NAALADL2: variants seen among roughly 807,000 people sequenced by gnomAD.
NAALADL2 encodes N-acetylated alpha-linked acidic dipeptidase like 2.
In NAALADL2, 76 loss-of-function variants were observed where a neutral mutation model predicts 87.2. The ratio of observed to expected loss-of-function variants is 0.87; its 90% CI spans 0.72 to 1.05. The LOEUF (loss-of-function observed/expected upper bound fraction) is 1.05. Among genes scored for constraint, NAALADL2 ranks in the 50% least tolerant of loss-of-function variants. NAALADL2 has a pLI of 0.00. For synonymous variants in NAALADL2, 354 were observed against 331.0 expected (o/e 1.07, Z -0.75); for missense variants, 1,089 against 945.8 (o/e 1.15, Z -1.99).
chr3:174,936,489 A>G (rs371250822), intron 1 of NAALADL2, among the ~76,000 whole-genome samples: 137 of 152,198 alleles, frequency 9.0e-4, no homozygotes, highest in African/African-American at 3.1e-3. Context: ...TCAAGCAGCC[A>G]TAATAAAAGC....
At chr3:175,746,339 G>T (rs1204118404) in intron 12 of NAALADL2, among the ~76,000 whole-genome samples, 6 of 139,838 alleles carry the variant, frequency 4.3e-5, no homozygotes, top group South Asian at 2.3e-4. Flanking sequence ...TTAATCAATT[G>T]CAAATGATTG....
intron 2 of NAALADL2, among the ~76,000 whole-genome samples, chr3:175,124,048 T>A (rs991898216): frequency 6.6e-6 from 1 of 151,962 alleles, no homozygotes; most frequent in African/African-American, 2.4e-5. Flanking sequence ...CTCTGTGTTG[T>A]TTTTGCCCAT....
intron 6 of NAALADL2, among the ~76,000 whole-genome samples, chr3:175,459,085 C>T (rs537531987): frequency 6.6e-6 from 1 of 152,038 alleles, no homozygotes; most frequent in Non-Finnish European, 1.5e-5. Flanking sequence ...GCCAAAATAA[C>T]TAGATCCTGA....
intron 10 of NAALADL2, among the ~76,000 whole-genome samples, chr3:175,587,932 G>A (rs1331007909): frequency 6.6e-6 from 1 of 152,012 alleles, no homozygotes; most frequent in East Asian, 1.9e-4. Flanking sequence ...GATACACCTG[G>A]GGAAGAGGAC....
chr3:175,057,413 AC>A (rs1712443660), intron 1 of NAALADL2, among the ~76,000 whole-genome samples: 2 of 152,014 alleles, frequency 1.3e-5, no homozygotes, highest in East Asian at 1.9e-4. Context: ...TTCTACCCTC[AC>A]CCCGGTTGCC....
chr3:175,678,712 C>G (rs967261246), intron 11 of NAALADL2, among the ~76,000 whole-genome samples: 1 of 152,062 alleles, frequency 6.6e-6, no homozygotes, highest in African/African-American at 2.4e-5. Context: ...CATCACACAC[C>G]AGGGCCTGTC....
At chr3:175,395,025 C>T (rs1299993672) in intron 5 of NAALADL2, among the ~76,000 whole-genome samples, 7 of 152,040 alleles carry the variant, frequency 4.6e-5, no homozygotes, top group African/African-American at 1.4e-4. Flanking sequence ...AACATCACTA[C>T]TTTCATGCTT....
chr3:175,423,028 A>AAAAAATATATATAT (rs1438736874), intron 5 of NAALADL2, among the ~76,000 whole-genome samples: 5 of 111,306 alleles, frequency 4.5e-5, no homozygotes, highest in African/African-American at 1.2e-4. Context: ...GAAAAAAAAA[A>AAAAAATATATATAT]ATATATATAT....
At position 175,569,947 on chromosome 3, in the gene NAALADL2, G is replaced by A. The variant is rs551073599; in HGVS notation, c.1654-6094G>A. Among the ~76,000 whole-genome samples, 128 of 151,984 alleles carry A rather than the reference G, an allele frequency of 8.4e-4. 1 individual carries two copies. The highest frequency in any genetic ancestry group is 2.9e-3 in the African/African-American group (120 of 41,478). On this transcript the variant is annotated intron_variant, in intron 9 of 13. Transcript: ENST00000454872. ...GTGTGTGTGTATTTGTAGATATAAG[G>A]AGATTATAAGGATTTGTCTCATGTG...
chr3:175,674,669 A>G (rs898853657), intron 11 of NAALADL2, among the ~76,000 whole-genome samples: 3 of 152,060 alleles, frequency 2.0e-5, no homozygotes, highest in Admixed American at 6.6e-5. Flanking sequence ...ATTGGGTTGG[A>G]TCATTTTTTG....
At chr3:174,998,377 GATT>G (rs1339853640) in intron 1 of NAALADL2, among the ~76,000 whole-genome samples, 2 of 152,156 alleles carry the variant, frequency 1.3e-5, no homozygotes, top group African/African-American at 4.8e-5. Flanking sequence ...CATTATTTTA[GATT>G]TTATTTGCCT....
chr3:174,801,896 C>T (rs61604381), intron 3 of NAALADL2, among the ~76,000 whole-genome samples: 21,698 of 151,818 alleles, frequency 0.14, 1,721 homozygotes, highest in Non-Finnish European at 0.15. Context: ...TGTGACATCT[C>T]TGATGTTACT....
Position 175,803,132 on chromosome 3 carries a change from A to G in NAALADL2, c.2317A>G (p.Ile773Val). ...AGCCCTGTCAGAGGTGTTGAACAGC[A>G]TTAATTCAGCTCAGGTTTACTTCAA... ...QEALSEVLNSINSAQVYFKAG... is the reference protein window; with the variant it reads ...QEALSEVLNSVNSAQVYFKAG... Residue 773 changes from isoleucine (I) to valine (V), a missense_variant, in exon 14 of 14, where the codon ATT becomes GTT. Transcript: ENST00000454872. 1 of 1,612,538 alleles carries G rather than the reference A, an allele frequency of 6.2e-7. No individual in the cohort carries two copies. The highest frequency in any genetic ancestry group is 8.5e-7 in the Non-Finnish European group (1 of 1,178,992).
At chr3:175,374,422 C>A (rs867686251) in intron 5 of NAALADL2, among the ~76,000 whole-genome samples, 1 of 150,414 alleles carries the variant, frequency 6.6e-6, no homozygotes, top group African/African-American at 2.4e-5. Context: ...GGCTTGGTGG[C>A]GGGTGCTTGT....
At chr3:175,460,569 A>T (rs538986075) in intron 6 of NAALADL2, among the ~76,000 whole-genome samples, 3 of 152,326 alleles carry the variant, frequency 2.0e-5, no homozygotes, top group East Asian at 3.9e-4. Context: ...AGCAGAATAA[A>T]ATAATTTGAA....
At chr3:175,233,572 G>C (rs897397970) in intron 2 of NAALADL2, among the ~76,000 whole-genome samples, 2 of 152,080 alleles carry the variant, frequency 1.3e-5, no homozygotes, top group Admixed American at 6.6e-5. Flanking sequence ...GTCCCAAGTA[G>C]GTGGGACCAC....
intron 1 of NAALADL2, among the ~76,000 whole-genome samples, chr3:174,898,137 AAAAAAAGAAAAAAAG>A (rs1731830659): frequency 7.6e-6 from 1 of 131,990 alleles, no homozygotes; most frequent in African/African-American, 3.7e-5. Context: ...AAAAAAAAAA[AAAAAAAGAAAAAAAG>A]AATGAGATCT....
chr3:175,783,632 A>G (rs183030394), intron 13 of NAALADL2, among the ~76,000 whole-genome samples: 11 of 152,174 alleles, frequency 7.2e-5, no homozygotes, highest in South Asian at 2.1e-4. Context: ...TAAATATACA[A>G]TCATGTTGTC....
At chr3:175,132,687 G>T (rs1190281813) in intron 2 of NAALADL2, among the ~76,000 whole-genome samples, 1 of 139,188 alleles carries the variant, frequency 7.2e-6, no homozygotes, top group Admixed American at 6.9e-5. Flanking sequence ...TCCCGGACGG[G>T]GCAGCTGGCT....
Sources: allele counts gnomAD v4.1 joint callset (sites outside exome capture counted in the v4.1 genomes callset), GRCh38; gene constraint gnomAD v4.1.1; transcripts MANE v1.5; gene names NCBI Gene and HGNC (gene_info 2026-07-23, HGNC 2026-07-21).